The following CRYL1 variants were observed in gnomAD, a reference collection of about 807,000 sequenced individuals.
The protein encoded by CRYL1 is crystallin lambda 1, also known as lambda-crystallin homolog.
In CRYL1, 29 loss-of-function variants were observed where a neutral mutation model predicts 36.6. That is an observed-to-expected ratio of 0.79 (90% confidence interval 0.59 to 1.08). The LOEUF is 1.08. Ranked by LOEUF, CRYL1 falls within the 50% of genes least tolerant of loss-of-function variation. The pLI is 0.00. For missense variants in CRYL1, 411 were observed against 407.9 expected (o/e 1.01, Z -0.06); for synonymous variants, 152 against 151.5 (o/e 1.00, Z -0.02).
chr13:20,502,983 C>T (rs1334310236), intron 2 of CRYL1, among the ~76,000 whole-genome samples: 1 of 151,472 alleles, frequency 6.6e-6, no homozygotes, highest in Admixed American at 6.6e-5. Context: ...CACACAGGAT[C>T]ATGCCGGAAG....
At chr13:20,410,298 C>A (rs2137363508) in intron 6 of CRYL1, among the ~76,000 whole-genome samples, 1 of 149,514 alleles carries the variant, frequency 6.7e-6, no homozygotes, top group East Asian at 2.0e-4. Context: ...AAACCCAACA[C>A]CGCATATTCT....
intron 3 of CRYL1, among the ~76,000 whole-genome samples, chr13:20,452,538 T>C (rs2032593431): frequency 6.6e-6 from 1 of 152,138 alleles, no homozygotes; most frequent in Admixed American, 6.6e-5. Flanking sequence ...ACAAAATACA[T>C]GAAGTTGTTG....
At chr13:20,429,368 G>T (rs1352263623) in intron 5 of CRYL1, among the ~76,000 whole-genome samples, 1 of 152,174 alleles carries the variant, frequency 6.6e-6, no homozygotes, top group African/African-American at 2.4e-5. Flanking sequence ...TGAGTCAAAG[G>T]GGTGTCATTG....
intron 1 of CRYL1, among the ~76,000 whole-genome samples, chr13:20,516,190 CAAAAAAA>C (rs35780379): frequency 1.4e-5 from 1 of 73,294 alleles, no homozygotes; most frequent in Non-Finnish European, 2.4e-5. Context: ...AACTCCATCT[CAAAAAAA>C]AAAAAAAAAA....
intron 2 of CRYL1, among the ~76,000 whole-genome samples, chr13:20,491,495 T>C (rs2033511362): frequency 6.6e-6 from 1 of 152,120 alleles, no homozygotes; most frequent in African/African-American, 2.4e-5. Flanking sequence ...ATTAGAGGCT[T>C]ATAAAGTTAG....
At chr13:20,511,255 T>C (rs2033912959) in intron 2 of CRYL1, among the ~76,000 whole-genome samples, 2 of 151,972 alleles carry the variant, frequency 1.3e-5, no homozygotes, top group African/African-American at 2.4e-5. Flanking sequence ...ACATTGGCTA[T>C]TTTTTTCTTT....
intron 5 of CRYL1, among the ~76,000 whole-genome samples, chr13:20,428,195 C>T (rs1234984202): frequency 1.3e-5 from 2 of 152,196 alleles, no homozygotes; most frequent in Non-Finnish European, 2.9e-5. Flanking sequence ...TATCCCTAAT[C>T]TGAAAATCTG....
intron 2 of CRYL1, among the ~76,000 whole-genome samples, chr13:20,501,591 T>TG (rs1480748054): frequency 1.3e-5 from 2 of 152,134 alleles, no homozygotes; most frequent in Admixed American, 6.5e-5. Context: ...GAGCTAAAGA[T>TG]GGGGAAGAAT....
rs1003882522 is a variant in CRYL1 at position 20,525,198 on chromosome 13, G to A, written c.41+556C>T. Among the ~76,000 whole-genome samples the A allele has an allele frequency of 2.0e-5, 3 of 152,150 alleles. No homozygotes were observed. The highest frequency in any genetic ancestry group is 4.4e-5 in the Non-Finnish European group (3 of 68,020). On this transcript the variant is annotated intron_variant, in intron 1 of 7. Coordinates refer to ENST00000298248, the MANE Select transcript of CRYL1 (RefSeq NM_015974.3). This position sits in a 1 kb window ranked among gnomAD's most constrained non-coding sequence, Gnocchi z 4.3. The stretch of plus-strand genomic sequence containing the variant: ...GCCCAGGAATTAGGACTGCGTGTAT[G>A]TTCGCCTAACACCTGCTGCGGCCTC...
rs536259083 is a variant in CRYL1 at position 20,462,143 on chromosome 13, G to A, written c.277-22389C>T. ...CCTGGTGGGAGGGATGGAGTGGGAGGAGGGCCTTGTGGAAGGGATAAGGTG... is the reference window on the plus strand; with the variant it reads ...CCTGGTGGGAGGGATGGAGTGGGAGAAGGGCCTTGTGGAAGGGATAAGGTG... On this transcript the variant is annotated intron_variant, in intron 3 of 7. Transcript: ENST00000298248. Among the ~76,000 whole-genome samples, 211 of 135,398 alleles carry A rather than the reference G, an allele frequency of 1.6e-3. 1 individual carries two copies. The highest frequency in any genetic ancestry group is 5.4e-3 in the African/African-American group (196 of 36,168). The allele number at this position is 135,398 out of a possible 152,430, so 88.8% of individuals were successfully genotyped here. A position where few individuals can be genotyped will look rare whatever the true frequency, so the allele number is the denominator to read the frequency against.
chr13:20,456,820 G>T (rs1393416923), intron 3 of CRYL1, among the ~76,000 whole-genome samples: 1 of 152,154 alleles, frequency 6.6e-6, no homozygotes, highest in Non-Finnish European at 1.5e-5. Flanking sequence ...AACTCTGGGA[G>T]AGAGTGGATA....
At chr13:20,489,530 T>C in intron 2 of CRYL1, 34 bp from the exon 3 acceptor site, 1 of 1,608,972 alleles carries the variant, frequency 6.2e-7, no homozygotes, top group Admixed American at 1.7e-5. Flanking sequence ...ACTGTGAGTA[T>C]TCAACACCAC....
At chr13:20,459,733 T>C (rs2032768626) in intron 3 of CRYL1, among the ~76,000 whole-genome samples, 2 of 152,176 alleles carry the variant, frequency 1.3e-5, no homozygotes, top group African/African-American at 4.8e-5. Context: ...ACTGAAAACC[T>C]ATCAGATATT....
intron 3 of CRYL1, among the ~76,000 whole-genome samples, chr13:20,477,900 C>T (rs1320739320): frequency 1.4e-5 from 2 of 142,648 alleles, no homozygotes; most frequent in Non-Finnish European, 3.0e-5. Context: ...ACTATAAATA[C>T]TACCATATGT....
rs531790732 is a variant in CRYL1 at position 20,460,746 on chromosome 13, C to T, written c.277-20992G>A. 4.6e-5 allele frequency among the ~76,000 whole-genome samples: 7 copies of T among 152,126 alleles called. No homozygotes were observed. The South Asian group carries it at 8.3e-4, about 18-fold the overall frequency. On this transcript the variant is annotated intron_variant, in intron 3 of 7. Coordinates refer to ENST00000298248, the MANE Select transcript of CRYL1 (RefSeq NM_015974.3). ...TTCACTGTGTTAGCCAGAATGGTCT[C>T]GATCTCCTGACATCGTGATCTGCCC...
At chr13:20,450,628 T>G (rs1171769200) in intron 3 of CRYL1, among the ~76,000 whole-genome samples, 1 of 152,134 alleles carries the variant, frequency 6.6e-6, no homozygotes, top group African/African-American at 2.4e-5. Context: ...GTAAACTAGT[T>G]CAACCATTGT....
intron 3 of CRYL1, among the ~76,000 whole-genome samples, chr13:20,465,863 G>A (rs2032921170): frequency 6.6e-6 from 1 of 151,510 alleles, no homozygotes; most frequent in Non-Finnish European, 1.5e-5. Flanking sequence ...CATGGGGGTG[G>A]ATCCCACATA....
chr13:20,406,781 G>C (rs1372497335), intron 6 of CRYL1, among the ~76,000 whole-genome samples: 2 of 151,936 alleles, frequency 1.3e-5, no homozygotes, highest in Admixed American at 1.3e-4. Context: ...TAAATTAGAA[G>C]AAAATGGAAA....
intron 2 of CRYL1, among the ~76,000 whole-genome samples, chr13:20,507,374 G>A (rs111300058): frequency 3.2e-4 from 48 of 152,114 alleles, no homozygotes; most frequent in Admixed American, 7.9e-4. Flanking sequence ...TACAACGAAC[G>A]GCTGAAACAG....
Sources: gnomAD v4.1 joint callset for allele counts (sites outside exome capture counted in the v4.1 genomes callset) on GRCh38, gnomAD v4.1.1 for gene constraint, Gnocchi (gnomAD v3.1) non-coding constraint, MANE v1.5 for transcripts, NCBI Gene and HGNC (gene_info 2026-07-23, HGNC 2026-07-21) for gene names.